KCNQ5: variants seen among roughly 807,000 people sequenced by gnomAD.
KCNQ5 encodes potassium voltage-gated channel subfamily Q member 5.
KCNQ5 carries 30 observed loss-of-function variants against 98.2 expected under a neutral mutation model. That is an observed-to-expected ratio of 0.31 (90% CI 0.23 to 0.41). KCNQ5 has a LOEUF of 0.41. Ranked by LOEUF, KCNQ5 falls within the 10% of genes least tolerant of loss-of-function variation. The pLI is 1.00. For missense variants in KCNQ5, 835 were observed against 1,182.5 expected (o/e 0.71, Z 4.31); for synonymous variants, 458 against 449.4 (o/e 1.02, Z -0.24).
chr6:72,867,539 G>A (rs2150158542), intron 1 of KCNQ5, among the ~76,000 whole-genome samples: 1 of 152,318 alleles, frequency 6.6e-6, no homozygotes, highest in South Asian at 2.1e-4. Context: ...ACAAGAAGGA[G>A]AAGGGATTTT....
intron 1 of KCNQ5, among the ~76,000 whole-genome samples, chr6:72,732,939 G>A (rs1309791390): frequency 6.6e-6 from 1 of 152,198 alleles, no homozygotes; most frequent in Non-Finnish European, 1.5e-5. Flanking sequence ...GGATGCTCCA[G>A]TGTCTGTCCT....
chr6:73,007,436 A>C (rs1582179968), intron 2 of KCNQ5, among the ~76,000 whole-genome samples: 1 of 152,362 alleles, frequency 6.6e-6, no homozygotes, highest in East Asian at 1.9e-4. Context: ...TCTAGAAGAA[A>C]GACAGAGTAG....
intron 1 of KCNQ5, among the ~76,000 whole-genome samples, chr6:72,917,817 T>C (rs908065717): frequency 5.3e-5 from 8 of 152,176 alleles, no homozygotes; most frequent in Admixed American, 2.0e-4. Context: ...AGGAAGGACA[T>C]GCCCAAGAAG....
At chr6:72,709,545 T>C (rs1309230261) in intron 1 of KCNQ5, among the ~76,000 whole-genome samples, 1 of 152,256 alleles carries the variant, frequency 6.6e-6, no homozygotes, top group Non-Finnish European at 1.5e-5. Flanking sequence ...TCAAAATGAA[T>C]TGTGAAATCA....
At chr6:72,877,967 T>C (rs188006752) in intron 1 of KCNQ5, among the ~76,000 whole-genome samples, 3 of 152,338 alleles carry the variant, frequency 2.0e-5, no homozygotes, top group African/African-American at 7.2e-5. Context: ...GTATCTTCTG[T>C]AGACGTTATT....
intron 1 of KCNQ5, among the ~76,000 whole-genome samples, chr6:72,916,548 C>T (rs1472337020): frequency 2.0e-5 from 3 of 152,154 alleles, no homozygotes; most frequent in Non-Finnish European, 2.9e-5. Context: ...TAAGCACTAT[C>T]GGAGAAGAAA....
intron 1 of KCNQ5, among the ~76,000 whole-genome samples, chr6:72,975,477 T>A (rs1768120076): frequency 6.6e-6 from 1 of 152,140 alleles, no homozygotes; most frequent in Non-Finnish European, 1.5e-5. Context: ...GGCTTTCAGC[T>A]TTCTTTTAGC....
chr6:72,699,605 C>G (rs552937476), intron 1 of KCNQ5, among the ~76,000 whole-genome samples: 1 of 152,188 alleles, frequency 6.6e-6, no homozygotes, highest in South Asian at 2.1e-4. Flanking sequence ...ATAAATATCA[C>G]AATTAAAGGA....
intron 3 of KCNQ5, 175 bp downstream of exon 3, chr6:73,042,237 T>C: frequency 1.5e-6 from 1 of 680,776 alleles, no homozygotes; most frequent in Non-Finnish European, 2.6e-6. Context: ...TCCACAGCAT[T>C]ATGAGGTAGA....
intron 13 of KCNQ5, among the ~76,000 whole-genome samples, chr6:73,193,602 C>A (rs1437857379): frequency 1.3e-5 from 2 of 151,446 alleles, no homozygotes; most frequent in African/African-American, 4.8e-5. Flanking sequence ...TATACAAAGA[C>A]AATTTTCCAG....
chr6:72,849,219 A>G (rs1777145459), intron 1 of KCNQ5, among the ~76,000 whole-genome samples: 1 of 152,052 alleles, frequency 6.6e-6, no homozygotes, highest in Non-Finnish European at 1.5e-5. Flanking sequence ...GATTACATAT[A>G]TTTTATTGTG....
rs1769983840 is a variant in KCNQ5, at chr6:73,009,842, A to G, written c.489+5844A>G. Reference sequence around the variant, plus strand: ...TAAATCACAAAGAAATAGAAACCGAATAGTGCTATAACTAGTAAGGAGATT... The same window carrying G: ...TAAATCACAAAGAAATAGAAACCGAGTAGTGCTATAACTAGTAAGGAGATT... On this transcript the variant is annotated intron_variant, in intron 2 of 13. Transcript: ENST00000370398. Among the ~76,000 whole-genome samples, 3 of 152,178 alleles carry G rather than the reference A, an allele frequency of 2.0e-5. No homozygotes were observed. In the South Asian group the frequency reaches 6.2e-4, roughly 32 times the overall value.
intron 1 of KCNQ5, among the ~76,000 whole-genome samples, chr6:72,799,232 G>T (rs978032899): frequency 2.6e-5 from 4 of 152,148 alleles, no homozygotes; most frequent in African/African-American, 9.7e-5. Flanking sequence ...TAGTCCTGCT[G>T]CCGAATTTCT....
chr6:72,935,367 A>G (rs558753688), intron 1 of KCNQ5, among the ~76,000 whole-genome samples: 8 of 152,108 alleles, frequency 5.3e-5, no homozygotes, highest in African/African-American at 1.9e-4. Context: ...CACCTCAACC[A>G]ACCAGCGTTG....
chr6:73,166,064 C>T (rs1272859603), intron 10 of KCNQ5, among the ~76,000 whole-genome samples: 1 of 152,168 alleles, frequency 6.6e-6, no homozygotes, highest in Admixed American at 6.5e-5. Context: ...GTCATTTATT[C>T]TCCAGGTGTC....
At chr6:72,844,432 A>G (rs1451076354) in intron 1 of KCNQ5, among the ~76,000 whole-genome samples, 1 of 152,220 alleles carries the variant, frequency 6.6e-6, no homozygotes, top group African/African-American at 2.4e-5. Context: ...GTTATTCTCT[A>G]GATCCATTCT....
chr6:72,846,356 C>T (rs1395234617), intron 1 of KCNQ5, among the ~76,000 whole-genome samples: 1 of 152,092 alleles, frequency 6.6e-6, no homozygotes, highest in African/African-American at 2.4e-5. Flanking sequence ...ACAATGTAGC[C>T]TAATGGCTTC....
chr6:72,898,481 T>G (rs1779345294), intron 1 of KCNQ5, among the ~76,000 whole-genome samples: 1 of 152,208 alleles, frequency 6.6e-6, no homozygotes, highest in South Asian at 2.1e-4. Context: ...CAGCTTCATC[T>G]ATGTCTCTGC....
chr6:73,185,108 G>A (rs1582503913), intron 11 of KCNQ5, among the ~76,000 whole-genome samples: 1 of 152,216 alleles, frequency 6.6e-6, no homozygotes, highest in East Asian at 1.9e-4. Flanking sequence ...AGTGTGGTGT[G>A]TTAGGTACTA....
Sources: allele counts gnomAD v4.1 joint callset (sites outside exome capture counted in the v4.1 genomes callset), GRCh38; gene constraint gnomAD v4.1.1; transcripts MANE v1.5; gene names NCBI Gene and HGNC (gene_info 2026-07-23, HGNC 2026-07-21).